The following XK variants were observed in gnomAD, a reference collection of about 807,000 sequenced individuals.
XK encodes the protein X-linked Kx blood group antigen, Kell and VPS13A binding protein.
In XK, 2 loss-of-function variants were observed where a neutral mutation model predicts 14.0. The observed-to-expected ratio is 0.14, with a 90% CI of 0.06 to 0.45. The LOEUF is 0.45. Among genes scored for constraint, XK ranks in the 20% least tolerant of loss-of-function variants. The pLI is 0.98. For missense variants in XK, 235 were observed against 341.5 expected (o/e 0.69, Z 2.46); for synonymous variants, 149 against 147.5 (o/e 1.01, Z -0.08).
intron 2 of XK, among the ~76,000 whole-genome samples, chrX:37,707,765 G>A (rs1317430291): frequency 8.9e-6 from 1 of 111,968 alleles, no homozygotes; most frequent in Admixed American, 9.4e-5. Context: ...CAGATGATGG[G>A]CGGCCAGGCA....
At chrX:37,705,916 C>G (rs1927517861) in intron 2 of XK, among the ~76,000 whole-genome samples, 1 of 94,039 alleles carries the variant, frequency 1.1e-5, no homozygotes, top group Non-Finnish European at 2.0e-5. Flanking sequence ...CCATGCCTGG[C>G]TGATTTTTTT....
intron 1 of XK, among the ~76,000 whole-genome samples, chrX:37,692,486 C>T (rs927337274): frequency 1.8e-5 from 2 of 111,991 alleles, no homozygotes; most frequent in Admixed American, 9.4e-5. Flanking sequence ...GCGCAATCTT[C>T]GCCTCTTGTG....
intron 2 of XK, among the ~76,000 whole-genome samples, chrX:37,708,585 A>C (rs1320796903): frequency 8.9e-6 from 1 of 112,444 alleles, no homozygotes; most frequent in Non-Finnish European, 1.9e-5. Flanking sequence ...CGCCAAAAGT[A>C]ATCTTTTACA....
intron 2 of XK, among the ~76,000 whole-genome samples, chrX:37,701,661 T>C (rs1398613947): frequency 8.9e-6 from 1 of 112,675 alleles, no homozygotes; most frequent in African/African-American, 3.2e-5. Flanking sequence ...TTCCCAAAGA[T>C]TGAGTCCACT....
intron 1 of XK, among the ~76,000 whole-genome samples, chrX:37,688,017 G>A (rs899253311): frequency 2.8e-5 from 3 of 106,476 alleles, no homozygotes; most frequent in Non-Finnish European, 5.8e-5. Flanking sequence ...CTTTGGGCAG[G>A]GCACTTATCA....
In XK at chrX:37,724,709, A is replaced by G. The variant is rs965536681; in HGVS notation, c.509-2927A>G. ...AAGACGCTCTCAAGAGAATAAAAAG[A>G]CAAACCACAGACTGAAAAAATATAT... On this transcript the variant is annotated intron_variant, in intron 2 of 2. Transcript: ENST00000378616. Among the ~76,000 whole-genome samples, 5 of 111,407 alleles carry G rather than the reference A, an allele frequency of 4.5e-5. No homozygotes were observed. In the Admixed American group the frequency reaches 4.8e-4, roughly 11 times the overall value.
chrX:37,690,173 G>T (rs1273926719), intron 1 of XK, among the ~76,000 whole-genome samples: 2 of 111,435 alleles, frequency 1.8e-5, no homozygotes, highest in Non-Finnish European at 3.8e-5. Context: ...CATTTGCAAG[G>T]TGCTTTTACA....
intron 2 of XK, among the ~76,000 whole-genome samples, chrX:37,700,158 G>A (rs1467897747): frequency 1.8e-5 from 2 of 111,420 alleles, no homozygotes; most frequent in African/African-American, 3.3e-5. Context: ...CAACATCCTG[G>A]AGCAGGCAGG....
Position 37,728,080 on chromosome X carries a change from T to C in XK, c.953T>C (p.Leu318Pro). 1 of 1,211,702 alleles carries C rather than the reference T, an allele frequency of 8.3e-7. No individual in the cohort carries two copies. Among genetic ancestry groups the C allele is most frequent in the Non-Finnish European group, 1.1e-6 (1 of 895,483 alleles). The change falls in exon 3 of 3, where the codon CTG becomes CCG. Residue 318 changes from leucine (L) to proline (P), a missense_variant. By Grantham distance (98) the Leu-to-Pro change is moderately conservative. Transcript: ENST00000378616. ...AAGTCCCATAATTGGTACCAGCTACTGGTGTATTACATGATAAGATTCATC... is the reference window on the plus strand; with the variant it reads ...AAGTCCCATAATTGGTACCAGCTACCGGTGTATTACATGATAAGATTCATC... Reference protein sequence around the residue: ...ISKSHNWYQLLVYYMIRFIEN... With the variant: ...ISKSHNWYQLPVYYMIRFIEN...
At chrX:37,709,007 A>G (rs1927607064) in intron 2 of XK, among the ~76,000 whole-genome samples, 1 of 112,465 alleles carries the variant, frequency 8.9e-6, no homozygotes, top group East Asian at 2.8e-4. Context: ...AAGAAAATGA[A>G]GGAGTAGATA....
At chrX:37,705,184 G>C (rs782376366) in intron 2 of XK, among the ~76,000 whole-genome samples, 1 of 110,908 alleles carries the variant, frequency 9.0e-6, no homozygotes, top group Non-Finnish European at 1.9e-5. Flanking sequence ...GGTAGCTCAC[G>C]CCTGTAATCC....
intron 2 of XK, among the ~76,000 whole-genome samples, chrX:37,725,754 T>C (rs1305687641): frequency 3.6e-5 from 4 of 112,157 alleles, no homozygotes; most frequent in Non-Finnish European, 5.6e-5. Flanking sequence ...GATAATGGAC[T>C]ATTATTCAGC....
Position 37,729,844 on chromosome X carries a change from C to T in XK, c.*1382C>T, listed in dbSNP as rs913579892. 3 of 111,590 alleles carry T rather than the reference C, an allele frequency of 2.7e-5. No homozygotes were observed. Among genetic ancestry groups the T allele is most frequent in the African/African-American group, 9.7e-5 (3 of 30,774 alleles). 9.2% of individuals were successfully genotyped at this position (111,590 alleles called of 1,213,427 possible). Reference sequence around the variant, plus strand: ...TCCACTTCTCTGTTAACCTACAAAACGTATTTATCTGGCCATTGCACTTCG... The same window carrying T: ...TCCACTTCTCTGTTAACCTACAAAATGTATTTATCTGGCCATTGCACTTCG... On this transcript the variant is annotated 3_prime_UTR_variant, in exon 3 of 3. Transcript: ENST00000378616.
chrX:37,715,592 C>T (rs944322887), intron 2 of XK, among the ~76,000 whole-genome samples: 2 of 111,479 alleles, frequency 1.8e-5, no homozygotes, highest in Non-Finnish European at 3.8e-5. Context: ...TCACATATTG[C>T]AAATCCAAGA....
chrX:37,698,036 G>T (rs782635011), intron 2 of XK, among the ~76,000 whole-genome samples: 236 of 112,038 alleles, frequency 2.1e-3, no homozygotes, highest in Middle Eastern at 4.6e-3. Context: ...TCTCAGCAAG[G>T]GCTTGCTCAA....
At chrX:37,689,393 CAAAGG>C (rs782565794) in intron 1 of XK, among the ~76,000 whole-genome samples, 1 of 112,498 alleles carries the variant, frequency 8.9e-6, no homozygotes, top group South Asian at 3.7e-4. Context: ...TTCCCTCAAA[CAAAGG>C]AGAGGCATGG....
At chrX:37,721,572 A>G (rs973356746) in intron 2 of XK, among the ~76,000 whole-genome samples, 19 of 111,688 alleles carry the variant, frequency 1.7e-4, no homozygotes, top group Non-Finnish European at 2.5e-4. Context: ...GAAGATGTGG[A>G]AAAATTGGAA....
intron 2 of XK, among the ~76,000 whole-genome samples, chrX:37,718,631 T>C (rs782127967): frequency 1.8e-5 from 2 of 111,881 alleles, no homozygotes; most frequent in Non-Finnish European, 3.8e-5. Context: ...GCAATGTCAA[T>C]GTTTAGCTTC....
chrX:37,705,319 G>C (rs1308706737), intron 2 of XK, among the ~76,000 whole-genome samples: 2 of 110,167 alleles, frequency 1.8e-5, no homozygotes, highest in Non-Finnish European at 3.8e-5. Context: ...GGGCGTGGTG[G>C]CGGGCGCCTG....
Sources: allele counts gnomAD v4.1 joint callset (sites outside exome capture counted in the v4.1 genomes callset), GRCh38; gene constraint gnomAD v4.1.1; transcripts MANE v1.5; gene names NCBI Gene and HGNC (gene_info 2026-07-23, HGNC 2026-07-21).